Variants in SLC35F4 observed in about 807,000 individuals in gnomAD.
SLC35F4 encodes the protein chromosome 14 open reading frame 36.
Under a neutral mutation model 44.2 loss-of-function variants are expected in SLC35F4, and 24 were observed. The ratio of observed to expected loss-of-function variants is 0.54; its 90% CI spans 0.39 to 0.76. The LOEUF is 0.76. Among genes scored for constraint, SLC35F4 ranks in the 30% least tolerant of loss-of-function variants. The probability of loss-of-function intolerance (pLI) is 0.00; values close to 1 mark genes in which losing one functional copy is unlikely to be tolerated. For missense variants in SLC35F4, 562 were observed against 586.1 expected (o/e 0.96, Z 0.42); for synonymous variants, 238 against 223.6 (o/e 1.06, Z -0.57).
intron 4 of SLC35F4, among the ~76,000 whole-genome samples, chr14:57,580,781 C>A (rs1349125636): frequency 6.6e-6 from 1 of 151,778 alleles, no homozygotes; most frequent in Non-Finnish European, 1.5e-5. Flanking sequence ...GTAATCTTAT[C>A]TACTTACACC....
intron 1 of SLC35F4, among the ~76,000 whole-genome samples, chr14:57,929,081 G>C (rs1889640382): frequency 6.6e-6 from 1 of 152,162 alleles, no homozygotes; most frequent in East Asian, 1.9e-4. Flanking sequence ...AAGTAGTCTT[G>C]AGCTGTAAGA....
At chr14:57,615,073 C>T (rs2071732130) in intron 1 of SLC35F4, among the ~76,000 whole-genome samples, 1 of 152,138 alleles carries the variant, frequency 6.6e-6, no homozygotes, top group African/African-American at 2.4e-5. Flanking sequence ...TTTATGAGGA[C>T]CTTGTGACTT....
chr14:57,844,272 G>A (rs959706000), intron 1 of SLC35F4, among the ~76,000 whole-genome samples: 11 of 152,188 alleles, frequency 7.2e-5, no homozygotes, highest in African/African-American at 1.4e-4. Flanking sequence ...CAGCTGGAAT[G>A]AAGCATCAGG....
intron 1 of SLC35F4, among the ~76,000 whole-genome samples, chr14:57,729,267 G>A (rs1223217158): frequency 6.6e-6 from 1 of 152,126 alleles, no homozygotes; most frequent in Non-Finnish European, 1.5e-5. Context: ...ACAAGACAAA[G>A]TCCACTTTAC....
chr14:57,600,349 G>A (rs1288587723), intron 1 of SLC35F4, among the ~76,000 whole-genome samples: 1 of 152,110 alleles, frequency 6.6e-6, no homozygotes, highest in Non-Finnish European at 1.5e-5. Context: ...GATGTTGGTT[G>A]GTAGCCATAA....
intron 1 of SLC35F4, among the ~76,000 whole-genome samples, chr14:57,654,001 C>T (rs565921054): frequency 6.6e-6 from 1 of 152,274 alleles, no homozygotes; most frequent in Admixed American, 6.5e-5. Flanking sequence ...TCACCCCCAC[C>T]CCTGCCTTCA....
At chr14:57,940,404 GT>G (rs767501515) in intron 1 of SLC35F4, among the ~76,000 whole-genome samples, 1 of 150,786 alleles carries the variant, frequency 6.6e-6, no homozygotes, top group Non-Finnish European at 1.5e-5. Context: ...CCCTAAAATT[GT>G]TTTTTTTTAA....
At chr14:57,893,699 G>T (rs1370063808) in intron 1 of SLC35F4, among the ~76,000 whole-genome samples, 1 of 152,128 alleles carries the variant, frequency 6.6e-6, no homozygotes, top group Non-Finnish European at 1.5e-5. Context: ...CAACAGAGGG[G>T]CACCAAGCTT....
intron 1 of SLC35F4, among the ~76,000 whole-genome samples, chr14:57,915,960 A>G (rs1404173765): frequency 6.6e-6 from 1 of 152,116 alleles, no homozygotes; most frequent in Non-Finnish European, 1.5e-5. Flanking sequence ...ACATTTTCAG[A>G]TATTTGCTAC....
At chr14:57,864,587 T>C (rs1669756398) in intron 1 of SLC35F4, among the ~76,000 whole-genome samples, 1 of 152,192 alleles carries the variant, frequency 6.6e-6, no homozygotes, top group South Asian at 2.1e-4. Context: ...TGTTTTCTTG[T>C]CTTTGTGCCG....
intron 1 of SLC35F4, among the ~76,000 whole-genome samples, chr14:57,734,782 C>T (rs376217894): frequency 6.6e-6 from 1 of 152,174 alleles, no homozygotes; most frequent in African/African-American, 2.4e-5. Context: ...CTTAATTACT[C>T]TTTCTCTCAC....
chr14:57,784,899 A>G (rs1299540480), intron 1 of SLC35F4, among the ~76,000 whole-genome samples: 2 of 152,128 alleles, frequency 1.3e-5, no homozygotes, highest in African/African-American at 4.8e-5. Context: ...ACAATGATCC[A>G]CTTCCACTTA....
upstream of SLC35F4, among the ~76,000 whole-genome samples, chr14:57,867,710 C>T (rs10147410): frequency 0.073 from 11,024 of 151,824 alleles, 543 homozygotes; most frequent in African/African-American, 0.14. Flanking sequence ...GTGTTCATCA[C>T]ATATAATTTT....
chr14:57,740,852 GT>G (rs1454625924), intron 1 of SLC35F4, among the ~76,000 whole-genome samples: 1 of 152,178 alleles, frequency 6.6e-6, no homozygotes, highest in Non-Finnish European at 1.5e-5. Flanking sequence ...TGACCCCCAA[GT>G]AGCCTAATTG....
At chr14:57,638,509 TCTC>T (rs766732106) in intron 1 of SLC35F4, among the ~76,000 whole-genome samples, 2 of 152,082 alleles carry the variant, frequency 1.3e-5, no homozygotes, top group Non-Finnish European at 2.9e-5. Context: ...TGAGCATAAA[TCTC>T]CTCTGCAACC....
chr14:57,644,201 C>T (rs1243109197), intron 1 of SLC35F4, among the ~76,000 whole-genome samples: 2 of 152,178 alleles, frequency 1.3e-5, no homozygotes, highest in Admixed American at 1.3e-4. Flanking sequence ...ACACTGACTT[C>T]CACAGTGGTT....
intron 1 of SLC35F4, among the ~76,000 whole-genome samples, chr14:57,954,413 T>C (rs1372575491): frequency 6.6e-6 from 1 of 151,676 alleles, no homozygotes; most frequent in African/African-American, 2.4e-5. Context: ...AGACAAGAAA[T>C]AACTAAAATC....
At chr14:57,654,832 C>T (rs1286663867) in intron 1 of SLC35F4, among the ~76,000 whole-genome samples, 3 of 152,198 alleles carry the variant, frequency 2.0e-5, no homozygotes, top group Non-Finnish European at 4.4e-5. Context: ...AGGACTTCAA[C>T]ATGAACATTG....
chr14:57,599,802 GA>G (rs34667001), intron 1 of SLC35F4, among the ~76,000 whole-genome samples: 38,301 of 126,078 alleles, frequency 0.3, 5,318 homozygotes, highest in Middle Eastern at 0.38. Context: ...ACTCTGTCTT[GA>G]AAAAAAAAAA....
Sources: gnomAD v4.1 joint callset for allele counts (sites outside exome capture counted in the v4.1 genomes callset) on GRCh38, gnomAD v4.1.1 for gene constraint, MANE v1.5 for transcripts, NCBI Gene and HGNC (gene_info 2026-07-23, HGNC 2026-07-21) for gene names.